Variants in PGM5 observed in about 807,000 individuals in gnomAD.
The protein encoded by PGM5 is phosphoglucomutase 5, also known as phosphoglucomutase-like protein 5.
Under a neutral mutation model 59.2 loss-of-function variants are expected in PGM5, and 23 were observed. The ratio of observed to expected loss-of-function variants is 0.39; its 90% CI spans 0.28 to 0.55. The LOEUF (loss-of-function observed/expected upper bound fraction) is 0.55, where lower values mean the gene tolerates loss of function less well. Among genes scored for constraint, PGM5 ranks in the 20% least tolerant of loss-of-function variants. PGM5 has a pLI of 0.66. For synonymous variants in PGM5, 214 were observed against 286.0 expected, an observed-to-expected ratio of 0.75 and a Z score of 2.54; for missense variants, 574 against 748.3, an observed-to-expected ratio of 0.77 and a Z score of 2.72.
chr9:68,378,348 T>C lies in PGM5; in HGVS notation c.411T>C (p.Asn137=). ...GGGGAGAGTTTGGAGTGAAGTTTAA[T>C]GTTGCCAATGGAGGTATGTGGTTCA... ...GPGGEFGVKF[N]VANGGPAPDV... Residue 137 remains asparagine, a synonymous_variant, in exon 2 of 11, where the codon AAT becomes AAC. Transcript: ENST00000396396. The C allele has an allele frequency of 1.9e-6, 3 of 1,588,074 alleles. No individual in the cohort carries two copies. Among genetic ancestry groups the C allele is most frequent in the South Asian group, 1.1e-5 (1 of 87,674 alleles).
At chr9:68,410,520 C>G (rs429260) in intron 6 of PGM5, among the ~76,000 whole-genome samples, 148,468 of 152,186 alleles carry the variant, frequency 0.98, 72,544 homozygotes, top group East Asian at 1. Context: ...CATAAACTAT[C>G]ATGATGATAT....
chr9:68,443,229 G>A (rs1330417170), intron 6 of PGM5, among the ~76,000 whole-genome samples: 1 of 152,204 alleles, frequency 6.6e-6, no homozygotes, highest in Non-Finnish European at 1.5e-5. Flanking sequence ...TTGGATGCAT[G>A]TCAAATGATT....
intron 2 of PGM5, among the ~76,000 whole-genome samples, chr9:68,382,280 A>C (rs1285189614): frequency 1.3e-5 from 2 of 151,710 alleles, no homozygotes; most frequent in Admixed American, 6.6e-5. Context: ...AAAGAAAAAA[A>C]CCTCTTCAAT....
At chr9:68,464,765 C>T (rs1257282739) in intron 6 of PGM5, among the ~76,000 whole-genome samples, 1 of 152,024 alleles carries the variant, frequency 6.6e-6, no homozygotes, top group Non-Finnish European at 1.5e-5. Flanking sequence ...CCCAAATACC[C>T]TCTTAATTTA....
At chr9:68,446,491 C>T (rs1823614176) in intron 6 of PGM5, among the ~76,000 whole-genome samples, 1 of 152,190 alleles carries the variant, frequency 6.6e-6, no homozygotes, top group South Asian at 2.1e-4. Flanking sequence ...TCCCCTATTT[C>T]TTTCTGTGTT....
Position 68,357,027 on chromosome 9 carries a change from G to T in PGM5, c.-101G>T, listed in dbSNP as rs192866274. Reference sequence around the variant, plus strand: ...CCTGCTGGAGAGGGGGCCCGGGCGCGAGGCGGAGTCCCGGCGCGCAGCCAG... The same window carrying T: ...CCTGCTGGAGAGGGGGCCCGGGCGCTAGGCGGAGTCCCGGCGCGCAGCCAG... On this transcript the variant is annotated 5_prime_UTR_variant, in exon 1 of 11. Transcript: ENST00000396396. The T allele has an allele frequency of 4.8e-6, 6 of 1,244,314 alleles. No homozygotes were observed. Among genetic ancestry groups the T allele is most frequent in the Non-Finnish European group, 6.3e-6 (6 of 954,270 alleles). 77.1% of individuals were successfully genotyped at this position (1,244,314 alleles called of 1,614,324 possible). A position where few individuals can be genotyped will look rare whatever the true frequency, so the allele number is the denominator to read the frequency against.
At chr9:68,473,104 C>A (rs923600542) in intron 7 of PGM5, among the ~76,000 whole-genome samples, 1 of 152,114 alleles carries the variant, frequency 6.6e-6, no homozygotes, top group African/African-American at 2.4e-5. Context: ...GTCTACCGAT[C>A]GATCGATCGA....
rs1157594118 is a variant in PGM5 at position 68,358,107 on chromosome 9, C to T, written c.261+719C>T. On this transcript the variant is annotated intron_variant, in intron 1 of 10. Transcript: ENST00000396396. ...TGTTTGATGCTAAACAGCCTGAGCT[C>T]GCAGTTCCCAGGGGGCATATCTCTA... Among the ~76,000 whole-genome samples, 5 of 152,074 alleles carry T rather than the reference C, an allele frequency of 3.3e-5. No individual in the cohort carries two copies. In the East Asian group the frequency reaches 9.6e-4, roughly 29 times the overall value.
At chr9:68,384,258 C>T (rs1822157031) in intron 2 of PGM5, 140 bp from the exon 3 acceptor site, 2 of 631,198 alleles carry the variant, frequency 3.2e-6, no homozygotes, top group African/African-American at 1.9e-5. Flanking sequence ...AATATCAAGG[C>T]TAATTGAACT....
chr9:68,409,835 C>T (rs1277577052), intron 6 of PGM5, among the ~76,000 whole-genome samples: 5 of 147,792 alleles, frequency 3.4e-5, no homozygotes, highest in Non-Finnish European at 1.5e-5. Context: ...TGTAACTAAC[C>T]TGCACAATGT....
intron 9 of PGM5, chr9:68,497,679 A>G (rs1824503575): frequency 6.6e-6 from 1 of 152,200 alleles, no homozygotes; most frequent in Admixed American, 6.5e-5. Flanking sequence ...TCAAGGATAA[A>G]TTGCTTTGGG....
chr9:68,365,806 C>T (rs1467025624), intron 1 of PGM5, among the ~76,000 whole-genome samples: 1 of 152,118 alleles, frequency 6.6e-6, no homozygotes, highest in Non-Finnish European at 1.5e-5. Flanking sequence ...AGAAAGGAAT[C>T]TGAAATCAGA....
chr9:68,459,602 C>T (rs1324162821), intron 6 of PGM5, among the ~76,000 whole-genome samples: 3 of 152,190 alleles, frequency 2.0e-5, no homozygotes, highest in Admixed American at 1.3e-4. Context: ...AAATACACCA[C>T]AGTTGGTACT....
intron 4 of PGM5, 41 bp from the exon 5 acceptor site, chr9:68,391,493 G>A: frequency 1.2e-6 from 2 of 1,607,702 alleles, no homozygotes; most frequent in Non-Finnish European, 1.7e-6. Flanking sequence ...CTGGGGAGAA[G>A]GTTCTGCAAA....
chr9:68,412,397 G>A (rs1206382274), intron 6 of PGM5, among the ~76,000 whole-genome samples: 2 of 152,158 alleles, frequency 1.3e-5, no homozygotes, highest in Non-Finnish European at 2.9e-5. Flanking sequence ...AGTTTACAAA[G>A]ACATTTCTGG....
chr9:68,515,938 T>C (rs1312247513), intron 10 of PGM5, among the ~76,000 whole-genome samples: 1 of 152,180 alleles, frequency 6.6e-6, no homozygotes, highest in African/African-American at 2.4e-5. Flanking sequence ...ATAATAATAA[T>C]AACAATAGTA....
intron 3 of PGM5, among the ~76,000 whole-genome samples, chr9:68,386,454 T>G (rs1822220601): frequency 6.6e-6 from 1 of 152,200 alleles, no homozygotes; most frequent in Non-Finnish European, 1.5e-5. Flanking sequence ...TAGATATGTA[T>G]TTGATCAGAT....
chr9:68,376,173 A>G (rs1417877485), intron 1 of PGM5, among the ~76,000 whole-genome samples: 3 of 152,222 alleles, frequency 2.0e-5, no homozygotes, highest in Non-Finnish European at 2.9e-5. Context: ...TGGGCTGCTC[A>G]GCCCATGATG....
intron 6 of PGM5, among the ~76,000 whole-genome samples, chr9:68,460,154 C>T (rs1010967810): frequency 5.3e-5 from 8 of 152,164 alleles, no homozygotes; most frequent in Non-Finnish European, 8.8e-5. Context: ...GCCTCACACA[C>T]TTGATATGAT....
Sources: allele counts gnomAD v4.1 joint callset (sites outside exome capture counted in the v4.1 genomes callset), GRCh38; gene constraint gnomAD v4.1.1; transcripts MANE v1.5; gene names NCBI Gene and HGNC (gene_info 2026-07-23, HGNC 2026-07-21).